The following CAV1 variants were observed in gnomAD, a reference collection of about 807,000 sequenced individuals.
CAV1 encodes caveolin 1.
A neutral mutation model predicts 16.5 loss-of-function variants in CAV1; 10 were observed. That is an observed-to-expected ratio of 0.61 (90% CI 0.37 to 1.03). CAV1 has a LOEUF of 1.03. Among genes scored for constraint, CAV1 ranks in the 50% least tolerant of loss-of-function variants. The probability of loss-of-function intolerance (pLI) is 0.01; values close to 1 mark genes in which losing one functional copy is unlikely to be tolerated. For missense variants in CAV1, 212 were observed against 232.8 expected (o/e 0.91, Z 0.58); for synonymous variants, 76 against 85.1 (o/e 0.89, Z 0.59).
intron 2 of CAV1, among the ~76,000 whole-genome samples, chr7:116,545,287 A>C (rs1794018805): frequency 1.3e-5 from 2 of 152,172 alleles, no homozygotes; most frequent in African/African-American, 4.8e-5. Flanking sequence ...CAGTACCCCC[A>C]CCCACACTCC....
Position 116,555,590 on chromosome 7 carries a change from AAGAAAGAAAGAAAG to A in CAV1, c.196-3340_196-3327del, listed in dbSNP as rs1299550748. Among the ~76,000 whole-genome samples the A allele has an allele frequency of 6.1e-3, 607 of 99,104 alleles. 10 individuals are homozygous for A. Among genetic ancestry groups the A allele is most frequent in the African/African-American group, 8.9e-3 (219 of 24,618 alleles). The allele number at this position is 99,104 out of a possible 152,430, so 65.0% of individuals were successfully genotyped here. ...AAAGAAAGAAAGAAAGAAAGAAAGA[AAGAAAGAAAGAAAG>A]AGAAAGAAAGAAAGAAGGGAGGGAG... is the stretch of plus-strand genomic sequence containing the variant. On this transcript the variant is annotated intron_variant, in intron 2 of 2. Coordinates refer to ENST00000341049, the MANE Select transcript of CAV1 (RefSeq NM_001753.5).
At chr7:116,555,518 A>AAGAAAGAAAGAAAGAGAGAG (rs1554357869) in intron 2 of CAV1, among the ~76,000 whole-genome samples, 4 of 14,052 alleles carry the variant, frequency 2.8e-4, no homozygotes, top group African/African-American at 7.2e-4. Flanking sequence ...GAAAGAAAGA[A>AAGAAAGAAAGAAAGAGAGAG]AGAGAGAGAG....
chr7:116,530,455 T>A (rs1448080158), intron 2 of CAV1, among the ~76,000 whole-genome samples: 1 of 152,118 alleles, frequency 6.6e-6, no homozygotes, highest in Non-Finnish European at 1.5e-5. Context: ...AAAAAGGTTT[T>A]TAAATAGGGA....
chr7:116,555,564 GAAAGAAAGAAAGAAAGAAAGAAAGAA>G (rs1794268190), intron 2 of CAV1, among the ~76,000 whole-genome samples: 1 of 51,352 alleles, frequency 1.9e-5, no homozygotes, highest in Non-Finnish European at 3.6e-5. Flanking sequence ...AAGAAAGAAA[GAAAGAAAGAAAGAAAGAAAGAAAGAA>G]AGAAAGAAAG....
At chr7:116,551,456 T>C (rs958854012) in intron 2 of CAV1, among the ~76,000 whole-genome samples, 12 of 152,236 alleles carry the variant, frequency 7.9e-5, no homozygotes, top group Admixed American at 3.9e-4. Context: ...GTAAATGCTA[T>C]ATTTCCTTCT....
intron 2 of CAV1, among the ~76,000 whole-genome samples, chr7:116,541,808 TAA>T (rs1471975622): frequency 6.7e-6 from 1 of 149,458 alleles, no homozygotes; most frequent in Non-Finnish European, 1.5e-5. Flanking sequence ...TTCCAAGTAA[TAA>T]GAGTGGCTAA....
chr7:116,530,556 G>A (rs1458393314), intron 2 of CAV1, among the ~76,000 whole-genome samples: 2 of 152,158 alleles, frequency 1.3e-5, no homozygotes, highest in African/African-American at 2.4e-5. Flanking sequence ...GTTTAATGGA[G>A]AATGGTATGA....
Position 116,559,418 on chromosome 7 carries a change from T to A in CAV1, c.*131T>A, listed in dbSNP as rs1190105760. 5 of 693,440 alleles carry A rather than the reference T, an allele frequency of 7.2e-6. No individual in the cohort carries two copies. The highest frequency in any genetic ancestry group is 1.3e-5 in the Non-Finnish European group (5 of 397,858). The allele number at this position is 693,440 out of a possible 1,614,324, so 43.0% of individuals were successfully genotyped here. On this transcript the variant is annotated 3_prime_UTR_variant, in exon 3 of 3. Transcript: ENST00000341049. ...ATTATCTTGGTTGAAAATAAAAAGATCACTTTCTCAGTTTTCATAAGTATT... is the reference window on the plus strand; with the variant it reads ...ATTATCTTGGTTGAAAATAAAAAGAACACTTTCTCAGTTTTCATAAGTATT...
intron 2 of CAV1, among the ~76,000 whole-genome samples, chr7:116,546,907 A>G (rs1215865276): frequency 6.6e-6 from 1 of 152,154 alleles, no homozygotes; most frequent in Non-Finnish European, 1.5e-5. Flanking sequence ...GAGGTCCAAA[A>G]TCAAGGTGTC....
At chr7:116,537,959 A>T (rs1477955902) in intron 2 of CAV1, among the ~76,000 whole-genome samples, 2 of 152,206 alleles carry the variant, frequency 1.3e-5, no homozygotes, top group Non-Finnish European at 2.9e-5. Context: ...GTGGTGGATA[A>T]GGTAGAATCG....
chr7:116,526,327 C>G, intron 1 of CAV1, 198 bp from the exon 2 acceptor site: 1 of 1,449,230 alleles, frequency 6.9e-7, no homozygotes, highest in Non-Finnish European at 9.1e-7. Flanking sequence ...TCTGCGAGAT[C>G]CTCTTAAAAA....
At chr7:116,549,802 T>G (rs189467629) in intron 2 of CAV1, among the ~76,000 whole-genome samples, 6 of 152,148 alleles carry the variant, frequency 3.9e-5, no homozygotes, top group Non-Finnish European at 8.8e-5. Flanking sequence ...AATTAACATG[T>G]GCATAGTACC....
At chr7:116,534,385 A>ATTTT (rs1181456517) in intron 2 of CAV1, among the ~76,000 whole-genome samples, 3 of 9,156 alleles carry the variant, frequency 3.3e-4, no homozygotes, top group Admixed American at 1.7e-3. Context: ...ATATATATAT[A>ATTTT]TATATATATA....
chr7:116,556,046 C>G (rs550285967), intron 2 of CAV1, among the ~76,000 whole-genome samples: 1 of 152,306 alleles, frequency 6.6e-6, no homozygotes, highest in East Asian at 1.9e-4. Context: ...GAGACCTGCT[C>G]TAAATTCACT....
chr7:116,549,311 G>A (rs1163131723), intron 2 of CAV1, among the ~76,000 whole-genome samples: 1 of 152,142 alleles, frequency 6.6e-6, no homozygotes, highest in Non-Finnish European at 1.5e-5. Context: ...CAACTGCAGT[G>A]ATTCAGGTCA....
intron 2 of CAV1, among the ~76,000 whole-genome samples, chr7:116,533,943 C>T (rs1793738326): frequency 6.6e-6 from 1 of 152,092 alleles, no homozygotes; most frequent in South Asian, 2.1e-4. Flanking sequence ...TACTGGCTCT[C>T]AACTTCTAAT....
At chr7:116,552,378 G>GTCAGAAA (rs1368911494) in intron 2 of CAV1, among the ~76,000 whole-genome samples, 1 of 152,110 alleles carries the variant, frequency 6.6e-6, no homozygotes, top group African/African-American at 2.4e-5. Flanking sequence ...ATATGTTGAG[G>GTCAGAAA]TCAGAAATTA....
At chr7:116,525,381 G>T (rs546268407) in intron 1 of CAV1, 7 of 1,522,984 alleles carry the variant, frequency 4.6e-6, no homozygotes, top group East Asian at 2.5e-5. Flanking sequence ...CCCAGGACGC[G>T]TTTTCTGGAT....
chr7:116,542,297 GGTTCTTCACCCTGGCTGCAA>G, intron 2 of CAV1, among the ~76,000 whole-genome samples: 1 of 151,966 alleles, frequency 6.6e-6, no homozygotes, highest in East Asian at 1.9e-4. Context: ...TTAGACCAGT[GGTTCTTCACCCTGGCTGCAA>G]ATCATCTGGG....
Sources: gnomAD v4.1 joint callset for allele counts (sites outside exome capture counted in the v4.1 genomes callset) on GRCh38, gnomAD v4.1.1 for gene constraint, MANE v1.5 for transcripts, NCBI Gene and HGNC (gene_info 2026-07-23, HGNC 2026-07-21) for gene names.